The following TANC2 variants were observed in gnomAD, a reference collection of about 807,000 sequenced individuals.
TANC2 encodes the protein tetratricopeptide repeat, ankyrin repeat and coiled-coil containing 2.
In TANC2, 26 loss-of-function variants were observed where a neutral mutation model predicts 210.5. That is an observed-to-expected ratio of 0.12 (90% CI 0.09 to 0.17). TANC2 has a LOEUF of 0.17. TANC2 is among the 10% of genes least tolerant of loss of function. The probability of loss-of-function intolerance (pLI) is 1.00; values close to 1 mark genes in which losing one functional copy is unlikely to be tolerated. For synonymous variants in TANC2, 931 were observed against 967.1 expected (o/e 0.96, Z 0.69); for missense variants, 2,129 against 2,608.9 (o/e 0.82, Z 4.01).
chr17:63,098,373 T>C (rs2037466975), intron 3 of TANC2, among the ~76,000 whole-genome samples: 1 of 151,020 alleles, frequency 6.6e-6, no homozygotes, highest in South Asian at 2.1e-4. Context: ...CTTTGGGCTT[T>C]TAACAAAAGT....
At chr17:63,172,291 C>T (rs1268685302) in intron 5 of TANC2, among the ~76,000 whole-genome samples, 3 of 151,532 alleles carry the variant, frequency 2.0e-5, no homozygotes, top group Non-Finnish European at 4.4e-5. Context: ...AAGCGATTCT[C>T]CTGCCTCAGC....
At chr17:63,215,722 T>C (rs2042007209) in intron 7 of TANC2, among the ~76,000 whole-genome samples, 3 of 151,982 alleles carry the variant, frequency 2.0e-5, no homozygotes, top group South Asian at 4.1e-4. Context: ...TATTTTGTTT[T>C]GTTTTGTTTT....
chr17:63,113,146 C>T (rs2038118601), intron 4 of TANC2, among the ~76,000 whole-genome samples: 1 of 152,086 alleles, frequency 6.6e-6, no homozygotes, highest in African/African-American at 2.4e-5. Context: ...AAAAGAAAGC[C>T]TTAGTAACTC....
At chr17:63,358,873 C>T (rs2146934581) in intron 14 of TANC2, among the ~76,000 whole-genome samples, 1 of 152,034 alleles carries the variant, frequency 6.6e-6, no homozygotes. Context: ...GCTTTAGGCT[C>T]GCCCTGAATA....
chr17:63,055,703 A>T (rs2144449504), intron 2 of TANC2, among the ~76,000 whole-genome samples: 1 of 149,934 alleles, frequency 6.7e-6, no homozygotes, highest in Admixed American at 6.7e-5. Context: ...ATAAATATAG[A>T]TGCAAATATT....
chr17:63,171,270 A>G (rs1413870321), intron 5 of TANC2, among the ~76,000 whole-genome samples: 1 of 151,700 alleles, frequency 6.6e-6, no homozygotes, highest in African/African-American at 2.4e-5. Context: ...TTTAGTAGAG[A>G]TAGGGTTTCA....
chr17:63,337,144 A>G (rs1266967011), intron 11 of TANC2, among the ~76,000 whole-genome samples: 1 of 152,226 alleles, frequency 6.6e-6, no homozygotes, highest in East Asian at 1.9e-4. Flanking sequence ...TAAATAATCT[A>G]TTTTGAGCCA....
At chr17:63,207,529 T>C (rs1432401369) in intron 7 of TANC2, among the ~76,000 whole-genome samples, 1 of 152,234 alleles carries the variant, frequency 6.6e-6, no homozygotes, top group African/African-American at 2.4e-5. Context: ...ATTTCTTTTG[T>C]GCTTACTGTT....
intron 4 of TANC2, among the ~76,000 whole-genome samples, chr17:63,146,978 GCAACAACAA>G (rs564752153): frequency 9.9e-5 from 15 of 151,584 alleles, no homozygotes; most frequent in Admixed American, 6.6e-4. Flanking sequence ...TTAAAAAACA[GCAACAACAA>G]CAACAACAAC....
intron 2 of TANC2, among the ~76,000 whole-genome samples, chr17:63,053,287 A>G (rs2035647710): frequency 6.6e-6 from 1 of 152,250 alleles, no homozygotes; most frequent in Non-Finnish European, 1.5e-5. Context: ...ATTGAACTTA[A>G]TCCCATCGGG....
At chr17:63,226,103 T>C (rs1461681480) in intron 7 of TANC2, among the ~76,000 whole-genome samples, 3 of 152,216 alleles carry the variant, frequency 2.0e-5, no homozygotes, top group African/African-American at 7.2e-5. Flanking sequence ...GTCACAAATC[T>C]ATTTTTTATT....
chr17:63,011,538 AT>A (rs145388303), intron 2 of TANC2, among the ~76,000 whole-genome samples: 1 of 151,896 alleles, frequency 6.6e-6, no homozygotes, highest in Admixed American at 6.6e-5. Flanking sequence ...ATGATTGTGA[AT>A]TTTTTTTATT....
At chr17:63,025,999 C>T (rs1460765833) in intron 2 of TANC2, among the ~76,000 whole-genome samples, 3 of 151,980 alleles carry the variant, frequency 2.0e-5, no homozygotes, top group Non-Finnish European at 2.9e-5. Context: ...ACATTAACCT[C>T]CTCCTACTCG....
intron 3 of TANC2, among the ~76,000 whole-genome samples, chr17:63,079,862 C>A (rs1036511676): frequency 6.6e-6 from 1 of 152,098 alleles, no homozygotes; most frequent in East Asian, 1.9e-4. Flanking sequence ...CAAACATGCT[C>A]ATACTCACTG....
intron 7 of TANC2, among the ~76,000 whole-genome samples, chr17:63,209,418 T>G (rs1567817373): frequency 6.6e-6 from 1 of 151,970 alleles, no homozygotes; most frequent in African/African-American, 2.4e-5. Flanking sequence ...AAGGAATCCT[T>G]TTTGTTTGTT....
At chr17:63,250,381 C>T (rs188790291) in intron 8 of TANC2, among the ~76,000 whole-genome samples, 13 of 152,158 alleles carry the variant, frequency 8.5e-5, no homozygotes, top group Admixed American at 8.5e-4. Context: ...AAGCAATCCT[C>T]CAACCTAATA....
intron 4 of TANC2, among the ~76,000 whole-genome samples, chr17:63,142,727 A>T (rs1567758941): frequency 6.6e-6 from 1 of 152,154 alleles, no homozygotes; most frequent in Non-Finnish European, 1.5e-5. Context: ...AATTGTTGTA[A>T]CCATAAAATT....
At chr17:62,978,960 G>A (rs965736770) in intron 1 of TANC2, 2 of 152,174 alleles carry the variant, frequency 1.3e-5, no homozygotes, top group African/African-American at 4.8e-5. Flanking sequence ...TCCCCAGAAT[G>A]TATATGGCAT....
intron 5 of TANC2, chr17:63,152,065 T>C (rs912919459): frequency 1.3e-5 from 2 of 152,162 alleles, no homozygotes; most frequent in Admixed American, 6.5e-5. Flanking sequence ...TCCTTTACAC[T>C]CTCTCTACAG....
Sources: gnomAD v4.1 joint callset for allele counts (sites outside exome capture counted in the v4.1 genomes callset) on GRCh38, gnomAD v4.1.1 for gene constraint, MANE v1.5 for transcripts, NCBI Gene and HGNC (gene_info 2026-07-23, HGNC 2026-07-21) for gene names.